The following XKR6 variants were observed in gnomAD, a reference collection of about 807,000 sequenced individuals.
XKR6 encodes the protein XK related 6.
A neutral mutation model predicts 56.7 loss-of-function variants in XKR6; 22 were observed. That is an observed-to-expected ratio of 0.39 (90% CI 0.28 to 0.55). The LOEUF (loss-of-function observed/expected upper bound fraction) is 0.55. Ranked by LOEUF, XKR6 falls within the 20% of genes least tolerant of loss-of-function variation. The pLI, the probability that XKR6 is intolerant of heterozygous loss-of-function variation, is 0.66. For missense variants in XKR6, 852 were observed against 889.0 expected (o/e 0.96, Z 0.53); for synonymous variants, 524 against 387.8 (o/e 1.35, Z -4.13).
At chr8:11,074,629 G>C (rs1012551451) in intron 1 of XKR6, among the ~76,000 whole-genome samples, 1 of 152,152 alleles carries the variant, frequency 6.6e-6, no homozygotes, top group South Asian at 2.1e-4. Context: ...GTATGTACCA[G>C]AGCAAACCCA....
chr8:11,123,996 T>C, intron 1 of XKR6: 1 of 456,178 alleles, frequency 2.2e-6, no homozygotes, highest in South Asian at 1.5e-5. Context: ...GCAGCCTCTC[T>C]AAAACAGTCC....
In XKR6 at chr8:11,083,586, G is replaced by A. The variant is rs7835953; in HGVS notation, c.764+116990C>T. Among the ~76,000 whole-genome samples the A allele has an allele frequency of 5.9e-5, 9 of 152,136 alleles. No homozygotes were observed. In the East Asian group the frequency reaches 1.7e-3, roughly 29 times the overall value. On this transcript the variant is annotated intron_variant, in intron 1 of 2. Transcript: ENST00000416569. ...CAGTGCTGGGCTGGGTTTCCCCTTGGGGGGCCTGGGGATGCTTCAATGAGG... is the reference window on the plus strand; with the variant it reads ...CAGTGCTGGGCTGGGTTTCCCCTTGAGGGGCCTGGGGATGCTTCAATGAGG...
intron 1 of XKR6, among the ~76,000 whole-genome samples, chr8:10,976,749 G>T (rs11991752): frequency 7.9e-6 from 1 of 126,330 alleles, no homozygotes; most frequent in African/African-American, 2.8e-5. Context: ...AGGCTACCTC[G>T]CCTGTCTCTC....
intron 2 of XKR6, among the ~76,000 whole-genome samples, chr8:10,899,773 C>G (rs1267853698): frequency 6.6e-6 from 1 of 152,156 alleles, no homozygotes; most frequent in East Asian, 1.9e-4. Flanking sequence ...CCCTGCATTT[C>G]CTCCCACAAC....
intron 1 of XKR6, among the ~76,000 whole-genome samples, chr8:11,014,263 T>C (rs1487582973): frequency 6.6e-6 from 1 of 152,188 alleles, no homozygotes; most frequent in Non-Finnish European, 1.5e-5. Flanking sequence ...AAGAAAAGAC[T>C]CCAAAGGAGT....
At chr8:10,946,623 G>A (rs545577780) in intron 1 of XKR6, among the ~76,000 whole-genome samples, 1 of 151,928 alleles carries the variant, frequency 6.6e-6, no homozygotes. Flanking sequence ...ACATTCCTGA[G>A]CACTCTACTG....
intron 1 of XKR6, among the ~76,000 whole-genome samples, chr8:10,927,886 T>A (rs941719474): frequency 2.1e-4 from 32 of 152,208 alleles, no homozygotes; most frequent in African/African-American, 7.5e-4. Context: ...GCAAAACCGT[T>A]TGGACAGCAT....
chr8:11,122,689 CT>C (rs1372505289), intron 1 of XKR6, among the ~76,000 whole-genome samples: 1 of 152,208 alleles, frequency 6.6e-6, no homozygotes, highest in Non-Finnish European at 1.5e-5. Flanking sequence ...TTAGTGACAG[CT>C]TAAACCTCTC....
At chr8:11,042,686 T>A (rs1328060968) in intron 1 of XKR6, among the ~76,000 whole-genome samples, 2 of 152,264 alleles carry the variant, frequency 1.3e-5, no homozygotes, top group African/African-American at 4.8e-5. Context: ...AAATCTGAAA[T>A]GTTCCAATGA....
intron 2 of XKR6, among the ~76,000 whole-genome samples, chr8:10,904,908 A>T (rs1800142861): frequency 6.6e-6 from 1 of 152,166 alleles, no homozygotes; most frequent in Non-Finnish European, 1.5e-5. Context: ...CCTCTCTCTG[A>T]CCGAGAGCGT....
At chr8:10,980,539 G>C (rs1483506554) in intron 1 of XKR6, among the ~76,000 whole-genome samples, 4 of 152,214 alleles carry the variant, frequency 2.6e-5, no homozygotes, top group African/African-American at 9.6e-5. Context: ...TTCCTAGCAT[G>C]TTGTATGGAT....
chr8:11,165,782 G>A (rs1320761966), intron 1 of XKR6, among the ~76,000 whole-genome samples: 2 of 152,072 alleles, frequency 1.3e-5, no homozygotes, highest in African/African-American at 4.8e-5. Flanking sequence ...TGAAATTCTT[G>A]TTGAGATGAT....
chr8:11,106,347 A>C (rs1798674692), intron 1 of XKR6: 1 of 152,080 alleles, frequency 6.6e-6, no homozygotes, highest in African/African-American at 2.4e-5. Flanking sequence ...CTACCTCCTT[A>C]ACTCAGAACT....
At position 10,957,509 on chromosome 8, in the gene XKR6, G is replaced by T. The variant is rs150441829; in HGVS notation, c.765-32679C>A. On this transcript the variant is annotated intron_variant, in intron 1 of 2. Coordinates refer to ENST00000416569, the MANE Select transcript of XKR6 (RefSeq NM_173683.4). ...TCCCTCAGCAATGACAAGATGCAGT[G>T]ACTGGGGATGATACATCAATGTCTT... Among the ~76,000 whole-genome samples, 769 of 152,272 alleles carry T rather than the reference G, an allele frequency of 5.1e-3. 7 individuals are homozygous for T. Among genetic ancestry groups the T allele is most frequent in the African/African-American group, 0.017 (717 of 41,542 alleles).
intron 1 of XKR6, among the ~76,000 whole-genome samples, chr8:11,159,508 G>C (rs1801690152): frequency 6.6e-6 from 1 of 152,174 alleles, no homozygotes; most frequent in Non-Finnish European, 1.5e-5. Flanking sequence ...CCATCAGCTT[G>C]CCATGTGCTT....
intron 1 of XKR6, among the ~76,000 whole-genome samples, chr8:11,122,983 T>A (rs986851376): frequency 6.6e-6 from 1 of 152,154 alleles, no homozygotes; most frequent in African/African-American, 2.4e-5. Flanking sequence ...ACGCCTGTAA[T>A]CCCAGCACTT....
intron 2 of XKR6, among the ~76,000 whole-genome samples, chr8:10,912,738 A>G (rs1052394739): frequency 6.7e-6 from 1 of 148,292 alleles, no homozygotes; most frequent in Non-Finnish European, 1.5e-5. Context: ...GTATATGCAC[A>G]TATATAGAGA....
At chr8:10,998,143 C>G (rs1423492698) in intron 1 of XKR6, among the ~76,000 whole-genome samples, 1 of 152,088 alleles carries the variant, frequency 6.6e-6, no homozygotes, top group East Asian at 1.9e-4. Context: ...GCTTCCCCCG[C>G]CAGAGAGCGT....
intron 2 of XKR6, among the ~76,000 whole-genome samples, chr8:10,911,867 T>C (rs1452379238): frequency 6.6e-6 from 1 of 150,474 alleles, no homozygotes; most frequent in Non-Finnish European, 1.5e-5. Flanking sequence ...TACGTGTTTG[T>C]ATATATAGAA....
Sources: gnomAD v4.1 joint callset for allele counts (sites outside exome capture counted in the v4.1 genomes callset) on GRCh38, gnomAD v4.1.1 for gene constraint, MANE v1.5 for transcripts, NCBI Gene and HGNC (gene_info 2026-07-23, HGNC 2026-07-21) for gene names.